NUDT8: variants seen among roughly 807,000 people sequenced by gnomAD.
The protein encoded by NUDT8 is nudix hydrolase 8, also known as mitochondrial coenzyme A diphosphatase NUDT8.
NUDT8 carries 14 observed loss-of-function variants against 12.5 expected under a neutral mutation model. The ratio of observed to expected loss-of-function variants is 1.12; its 90% CI spans 0.74 to 1.75. NUDT8 has a LOEUF of 1.75. Ranked by LOEUF, NUDT8 falls within the 40% of genes most tolerant of loss-of-function variation. The pLI is 0.00. For synonymous variants in NUDT8, 163 were observed against 156.2 expected (o/e 1.04, Z -0.33); for missense variants, 337 against 318.5 (o/e 1.06, Z -0.44).
chr11:67,627,981 C>G lies in NUDT8; in HGVS notation c.676G>C (p.Ala226Pro), dbSNP rs754727102. The change falls in exon 4 of 4, where the codon GCC becomes CCC. Residue 226 changes from alanine to proline, a missense_variant. Physicochemically the swap from Ala to Pro is conservative, Grantham distance 27 (BLOSUM62 -1). Coordinates refer to ENST00000376693, the MANE Select transcript of NUDT8 (RefSeq NM_001243750.2). ...TTATTCAGTCCTGGAGTGGAGCTGGCCTGACAGGGTGAAGCCAGGGGCTGC... is the reference window on the plus strand; with the variant it reads ...TTATTCAGTCCTGGAGTGGAGCTGGGCTGACAGGGTGAAGCCAGGGGCTGC... ...PKQPLASPCQ[A>P]SSTPGLNKGL 1.7e-5 allele frequency: 27 copies of G among 1,595,684 alleles called. No homozygotes were observed. Among genetic ancestry groups the G allele is most frequent in the Non-Finnish European group, 2.0e-5 (24 of 1,178,146 alleles).
In NUDT8 at chr11:67,629,897, G is replaced by T; in HGVS notation, c.15C>A (p.Cys5Ter). The part of the protein sequence containing the change: MLPD[C>*]LSAEGELRCR... ...AGCGCAGCTCGCCCTCGGCCGACAG[G>T]CAGTCGGGCAGCATGTCAAGTCCTG... is the stretch of plus-strand genomic sequence containing the variant. Residue 5 changes from cysteine to a stop codon, truncating the protein, a stop_gained, in exon 1 of 4, where the codon TGC becomes TGA. Transcript: ENST00000376693. LOFTEE classifies it high-confidence loss of function. 8.1e-7 allele frequency: 1 copy of T among 1,237,226 alleles called. No homozygotes were observed. Among genetic ancestry groups the T allele is most frequent in the East Asian group, 3.3e-5 (1 of 30,604 alleles). The allele number at this position is 1,237,226 out of a possible 1,614,324, so 76.6% of individuals were successfully genotyped here.
In NUDT8 at chr11:67,629,865, C is replaced by G. The variant is rs1855183889; in HGVS notation, c.47G>C (p.Arg16Pro). Reference sequence around the variant, plus strand: ...CCGGGCCGTGGCCCCTGCCAGCAGCCGGCGGCAGCGCAGCTCGCCCTCGGC... The same window carrying G: ...CCGGGCCGTGGCCCCTGCCAGCAGCGGGCGGCAGCGCAGCTCGCCCTCGGC... ...LSAEGELRCRRLLAGATARLR... is the reference protein window; with the variant it reads ...LSAEGELRCRPLLAGATARLR... The change falls in exon 1 of 4, where the codon CGG (arginine) becomes CCG (proline). Residue 16 changes from arginine to proline, a missense_variant. Transcript: ENST00000376693. 6 of 1,254,880 alleles carry G rather than the reference C, an allele frequency of 4.8e-6. No homozygotes were observed. Among genetic ancestry groups the G allele is most frequent in the Middle Eastern group, 6.1e-4 (2 of 3,274 alleles). 77.7% of individuals were successfully genotyped at this position (1,254,880 alleles called of 1,614,324 possible). A position where few individuals can be genotyped will look rare whatever the true frequency, so the allele number is the denominator to read the frequency against.
chr11:67,629,536 G>A (rs1855173680), intron 1 of NUDT8, 182 bp downstream of exon 1: 1 of 405,594 alleles, frequency 2.5e-6, no homozygotes, highest in African/African-American at 2.1e-5. Flanking sequence ...GGTGCACCGG[G>A]GCCGACGGAC....
In NUDT8 at chr11:67,628,906, C is replaced by A; in HGVS notation, c.327+13G>T. The A allele has an allele frequency of 6.3e-7, 1 of 1,597,572 alleles. No homozygotes were observed. The highest frequency in any genetic ancestry group is 1.1e-5 in the South Asian group (1 of 89,954). On this transcript the variant is annotated intron_variant, in intron 2 of 3. Transcript: ENST00000376693. ...AGTGAATGGGGTGGGGTGGCCTCAGCCAAGTGGCTTACCGGATCATACACA... is the reference window on the plus strand; with the variant it reads ...AGTGAATGGGGTGGGGTGGCCTCAGACAAGTGGCTTACCGGATCATACACA...
At chr11:67,629,101 G>C (rs749206032) in intron 1 of NUDT8, 50 bp from the exon 2 acceptor site, 1 of 1,556,928 alleles carries the variant, frequency 6.4e-7, no homozygotes, top group East Asian at 2.3e-5. Context: ...GCCACGGAGA[G>C]GTCGGGGTAT....
chr11:67,629,609 G>T (rs948906301), intron 1 of NUDT8, 109 bp downstream of exon 1: 2 of 521,820 alleles, frequency 3.8e-6, no homozygotes, highest in Non-Finnish European at 6.2e-6. Flanking sequence ...CCCATTTTAC[G>T]GAGGCGGAAA....
At position 67,629,831 on chromosome 11, in the gene NUDT8, C is replaced by A; in HGVS notation, c.81G>T (p.Ala27=). The part of the protein sequence containing the change: ...LLAGATARLR[A]RPASAAVLVP... ...CGAGCACCGCGGCCGACGCGGGCCGCGCGCGGAGCCGGGCCGTGGCCCCTG... is the reference window on the plus strand; with the variant it reads ...CGAGCACCGCGGCCGACGCGGGCCGAGCGCGGAGCCGGGCCGTGGCCCCTG... The change falls in exon 1 of 4, where the codon GCG becomes GCT. Residue 27 remains alanine, a synonymous_variant. Transcript: ENST00000376693. 7.3e-7 allele frequency: 1 copy of A among 1,362,770 alleles called. No homozygotes were observed. Among genetic ancestry groups the A allele is most frequent in the South Asian group, 1.8e-5 (1 of 55,318 alleles). The allele number at this position is 1,362,770 out of a possible 1,614,324, so 84.4% of individuals were successfully genotyped here.
chr11:67,629,104 C>A (rs1216394670), intron 1 of NUDT8, 53 bp from the exon 2 acceptor site: 1 of 1,548,566 alleles, frequency 6.5e-7, no homozygotes, highest in Middle Eastern at 1.8e-4. Flanking sequence ...ACGGAGAGGT[C>A]GGGGTATCGG....
In NUDT8 at chr11:67,628,904, A is replaced by T. The variant is rs373619792; in HGVS notation, c.327+15T>A. 8.1e-6 allele frequency: 13 copies of T among 1,595,750 alleles called. No homozygotes were observed. Among genetic ancestry groups the T allele is most frequent in the Non-Finnish European group, 1.1e-5 (13 of 1,167,772 alleles). On this transcript the variant is annotated intron_variant, in intron 2 of 3. Coordinates refer to ENST00000376693, the MANE Select transcript of NUDT8 (RefSeq NM_001243750.2). ...TGAGTGAATGGGGTGGGGTGGCCTC[A>T]GCCAAGTGGCTTACCGGATCATACA...
In NUDT8 at chr11:67,629,037, T is replaced by A. The variant is rs1159319131; in HGVS notation, c.209A>T (p.Lys70Met). The stretch of plus-strand genomic sequence containing the variant: ...CACATCTTGGTCAGCCGGGTCGCAC[T>A]TGCCGCCTGGGAAACTAAACAGACA... ...HKGDVSFPGG[K>M]CDPADQDVVH... is the part of the protein sequence containing the mutation. Residue 70 changes from lysine (K) to methionine (M), a missense_variant, in exon 2 of 4, where the codon AAG becomes ATG. Coordinates refer to ENST00000376693, the MANE Select transcript of NUDT8 (RefSeq NM_001243750.2). The A allele has an allele frequency of 4.3e-6, 7 of 1,611,458 alleles. No individual in the cohort carries two copies. Among genetic ancestry groups the A allele is most frequent in the Non-Finnish European group, 5.1e-6 (6 of 1,178,888 alleles).
In NUDT8 at chr11:67,629,747, G is replaced by T. The variant is rs1195294918; in HGVS notation, c.165C>A (p.Arg55=). 1 of 1,543,812 alleles carries T rather than the reference G, an allele frequency of 6.5e-7. No homozygotes were observed. Among genetic ancestry groups the T allele is most frequent in the Non-Finnish European group, 8.7e-7 (1 of 1,151,384 alleles). The part of the protein sequence containing the change: ...PALLYTLRSS[R]LTGRHKGDVS... ...CGTCGCCCTTGTGCCTCCCGGTCAG[G>T]CGGCTGGACCGCAGCGTGTACAGCA... Residue 55 remains arginine (R), a synonymous_variant, in exon 1 of 4, where the codon CGC becomes CGA. Transcript: ENST00000376693.
chr11:67,629,777 C>A lies in NUDT8; in HGVS notation c.135G>T (p.Pro45=), dbSNP rs1461097804. 1 of 1,536,262 alleles carries A rather than the reference C, an allele frequency of 6.5e-7. No homozygotes were observed. Among genetic ancestry groups the A allele is most frequent in the Non-Finnish European group, 8.7e-7 (1 of 1,149,934 alleles). Residue 45 remains proline, a synonymous_variant, in exon 1 of 4, where the codon CCG becomes CCT. Coordinates refer to ENST00000376693, the MANE Select transcript of NUDT8 (RefSeq NM_001243750.2). ...LVPLCSVRGV[P]ALLYTLRSSR... Reference sequence around the variant, plus strand: ...TGGACCGCAGCGTGTACAGCAGCGCCGGGACCCCACGCACTGAGCAGAGCG... The same window carrying A: ...TGGACCGCAGCGTGTACAGCAGCGCAGGGACCCCACGCACTGAGCAGAGCG...
In NUDT8 at chr11:67,629,707, G is replaced by A. The variant is rs922887128; in HGVS notation, c.194+11C>T. ...CTCCGGCAAAGGGCGAGGAGTTCCC[G>A]GCCGCTGTACCTGACGTCGCCCTTG... On this transcript the variant is annotated intron_variant, in intron 1 of 3. Transcript: ENST00000376693. 1 of 1,480,362 alleles carries A rather than the reference G, an allele frequency of 6.8e-7. No homozygotes were observed. Among genetic ancestry groups the A allele is most frequent in the Non-Finnish European group, 9.0e-7 (1 of 1,111,692 alleles). 91.7% of individuals were successfully genotyped at this position (1,480,362 alleles called of 1,614,324 possible). A position where few individuals can be genotyped will look rare whatever the true frequency, so the allele number is the denominator to read the frequency against.
intron 1 of NUDT8, 75 bp downstream of exon 1, chr11:67,629,642 GC>G: frequency 1.2e-6 from 1 of 823,950 alleles, no homozygotes. Flanking sequence ...GGGGCTAAGT[GC>G]CCTGCCAGAG....
Position 67,628,242 on chromosome 11 carries a change from C to T in NUDT8, c.415G>A (p.Val139Met), listed in dbSNP as rs761600667. The change falls in exon 4 of 4, where the codon GTG becomes ATG. Residue 139 changes from valine to methionine, a missense_variant. By Grantham distance (21) the Val-to-Met change is conservative. Coordinates refer to ENST00000376693, the MANE Select transcript of NUDT8 (RefSeq NM_001243750.2). Reference sequence around the variant, plus strand: ...AGGTGGGCCAGCGGCAGTGCAAACACCTCATCTACCTGCAGGCAGGAGGCA... The same window carrying T: ...AGGTGGGCCAGCGGCAGTGCAAACATCTCATCTACCTGCAGGCAGGAGGCA... ...LRPNSEEVDE[V>M]FALPLAHLLQ... 2 of 1,613,158 alleles carry T rather than the reference C, an allele frequency of 1.2e-6. No homozygotes were observed.
chr11:67,629,554 G>C, intron 1 of NUDT8, 164 bp downstream of exon 1: 1 of 413,726 alleles, frequency 2.4e-6, no homozygotes, highest in East Asian at 3.7e-5. Flanking sequence ...GACACGGATC[G>C]CTGACCTCTC....
At position 67,628,940 on chromosome 11, in the gene NUDT8, C is replaced by T. The variant is rs202112218; in HGVS notation, c.306G>A (p.Leu102=). 3.7e-5 allele frequency: 59 copies of T among 1,611,456 alleles called. No homozygotes were observed. The highest frequency in any genetic ancestry group is 1.0e-4 in the Admixed American group (6 of 59,878). The stretch of plus-strand genomic sequence containing the variant: ...TTACCGGATCATACACAGGCCGCAG[C>T]AGGCCCCACACGTGCTCCTCGGGCA... The part of the protein sequence containing the change: ...LAVPEEHVWG[L]LRPVYDPQKA... The change falls in exon 2 of 4, where the codon CTG becomes CTA. Residue 102 remains leucine, a synonymous_variant. Transcript: ENST00000376693.
In NUDT8 at chr11:67,629,809, G is replaced by A. The variant is rs755717471; in HGVS notation, c.103C>T (p.Leu35Phe). 10 of 1,433,362 alleles carry A rather than the reference G, an allele frequency of 7.0e-6. No individual in the cohort carries two copies. The highest frequency in any genetic ancestry group is 9.1e-6 in the Non-Finnish European group (10 of 1,095,122). 88.8% of individuals were successfully genotyped at this position (1,433,362 alleles called of 1,614,324 possible). A position where few individuals can be genotyped will look rare whatever the true frequency, so the allele number is the denominator to read the frequency against. Residue 35 changes from leucine (L) to phenylalanine (F), a missense_variant, in exon 1 of 4, where the codon CTC becomes TTC. Leu to Phe is a conservative substitution (Grantham distance 22, BLOSUM62 0). Transcript: ENST00000376693. ...LRARPASAAV[L>F]VPLCSVRGVP... is the part of the protein sequence containing the mutation. ...CCACGCACTGAGCAGAGCGGCACGA[G>A]CACCGCGGCCGACGCGGGCCGCGCG... is the stretch of plus-strand genomic sequence containing the variant.
In NUDT8 at chr11:67,629,820, G is replaced by C. The variant is rs1286838669; in HGVS notation, c.92C>G (p.Ser31Trp). The C allele has an allele frequency of 7.1e-7, 1 of 1,399,528 alleles. No individual in the cohort carries two copies. Among genetic ancestry groups the C allele is most frequent in the South Asian group, 1.6e-5 (1 of 60,982 alleles). The allele number at this position is 1,399,528 out of a possible 1,614,324, so 86.7% of individuals were successfully genotyped here. ...ATARLRARPA[S>W]AAVLVPLCSV... is the part of the protein sequence containing the mutation. The stretch of plus-strand genomic sequence containing the variant: ...GCAGAGCGGCACGAGCACCGCGGCC[G>C]ACGCGGGCCGCGCGCGGAGCCGGGC... Residue 31 changes from serine to tryptophan, a missense_variant, in exon 1 of 4, where the codon TCG becomes TGG. By Grantham distance (177) the Ser-to-Trp change is radical (BLOSUM62 -3). Transcript: ENST00000376693.
Sources: gnomAD v4.1 joint callset for allele counts on GRCh38, gnomAD v4.1.1 for gene constraint, MANE v1.5 for transcripts, NCBI Gene and HGNC (gene_info 2026-07-23, HGNC 2026-07-21) for gene names.